Variants in TBC1D32 observed in about 807,000 individuals in gnomAD.
TBC1D32 encodes the protein TBC1 domain family member 32.
A neutral mutation model predicts 170.3 loss-of-function variants in TBC1D32; 151 were observed. The observed-to-expected ratio is 0.89, with a 90% CI of 0.78 to 1.01. TBC1D32 has a LOEUF of 1.01. TBC1D32 is among the 50% of genes least tolerant of loss of function. TBC1D32 has a pLI of 0.00. For missense variants in TBC1D32, 1,464 were observed against 1,457.1 expected, an observed-to-expected ratio of 1.00 and a Z score of -0.08; for synonymous variants, 498 against 488.0, an observed-to-expected ratio of 1.02 and a Z score of -0.27.
At chr6:121,137,599 C>CA in intron 24 of TBC1D32, among the ~76,000 whole-genome samples, 1 of 151,432 alleles carries the variant, frequency 6.6e-6, no homozygotes, top group Non-Finnish European at 1.5e-5. Context: ...GAAAATATTT[C>CA]AAAAACTCTA....
At chr6:121,101,006 G>C (rs56721703) in intron 30 of TBC1D32, among the ~76,000 whole-genome samples, 27,147 of 151,882 alleles carry the variant, frequency 0.18, 3,229 homozygotes, top group African/African-American at 0.31. Flanking sequence ...ATAAATTCCT[G>C]GACACATACA....
chr6:121,190,073 G>GACAAAC (rs1789748262), intron 22 of TBC1D32, among the ~76,000 whole-genome samples: 5 of 63,732 alleles, frequency 7.8e-5, no homozygotes, highest in African/African-American at 2.5e-4. Flanking sequence ...GCCCAATACA[G>GACAAAC]ACACACACAC....
chr6:121,321,708 T>C lies in TBC1D32; in HGVS notation c.242A>G (p.Asp81Gly), dbSNP rs1409608687. The change falls in exon 2 of 32, where the codon GAT (aspartate) becomes GGT (glycine). Residue 81 changes from aspartate to glycine, a missense_variant. By Grantham distance (94) the Asp-to-Gly change is moderately conservative. Coordinates refer to ENST00000398212, the MANE Select transcript of TBC1D32 (RefSeq NM_152730.6). ...GCCGCATTCTTCACCCTGATTCCGATCAGATGTGCATTTTTCCATTTCTTC... is the reference window on the plus strand; with the variant it reads ...GCCGCATTCTTCACCCTGATTCCGACCAGATGTGCATTTTTCCATTTCTTC... Reference protein sequence around the residue: ...IEEEMEKCTSDRNQGEECGYD... With the variant: ...IEEEMEKCTSGRNQGEECGYD... 3 of 1,613,996 alleles carry C rather than the reference T, an allele frequency of 1.9e-6. No individual in the cohort carries two copies. In the Admixed American group the frequency reaches 5.0e-5, roughly 27 times the overall value.
intron 20 of TBC1D32, among the ~76,000 whole-genome samples, chr6:121,223,975 T>C (rs988608013): frequency 2.4e-4 from 36 of 152,160 alleles, no homozygotes; most frequent in Non-Finnish European, 4.4e-5. Context: ...ACTCTTGGGC[T>C]CCCCAGCTCA....
intron 30 of TBC1D32, among the ~76,000 whole-genome samples, chr6:121,103,503 A>G (rs1478755692): frequency 1.4e-5 from 2 of 147,530 alleles, no homozygotes; most frequent in African/African-American, 2.5e-5. Flanking sequence ...CAAACACTGC[A>G]TGTTCTCACT....
At chr6:121,145,391 T>C (rs1332290151) in intron 24 of TBC1D32, among the ~76,000 whole-genome samples, 5 of 151,958 alleles carry the variant, frequency 3.3e-5, no homozygotes, top group African/African-American at 4.8e-5. Context: ...CTATATAATC[T>C]CGCTTATGTG....
intron 15 of TBC1D32, among the ~76,000 whole-genome samples, chr6:121,273,637 T>TA (rs1801811438): frequency 1.4e-5 from 2 of 142,640 alleles, no homozygotes; most frequent in East Asian, 3.2e-4. Context: ...AAAGTATAAT[T>TA]TAAAAAAAAA....
chr6:121,216,267 A>C (rs970265214), intron 21 of TBC1D32, among the ~76,000 whole-genome samples: 1 of 152,222 alleles, frequency 6.6e-6, no homozygotes, highest in Non-Finnish European at 1.5e-5. Context: ...TCCCTCAGAT[A>C]TCAGACTCCA....
At chr6:121,102,266 A>T (rs1005738969) in intron 30 of TBC1D32, among the ~76,000 whole-genome samples, 1 of 152,160 alleles carries the variant, frequency 6.6e-6, no homozygotes, top group South Asian at 2.1e-4. Flanking sequence ...ACCAGAAAAG[A>T]TCCCACATTG....
At chr6:121,097,255 T>C (rs780773972) in intron 30 of TBC1D32, among the ~76,000 whole-genome samples, 5 of 152,038 alleles carry the variant, frequency 3.3e-5, no homozygotes, top group East Asian at 1.9e-4. Context: ...TCAAAGTGAA[T>C]AGGCAACCTA....
At chr6:121,092,312 T>G (rs867325885) in intron 30 of TBC1D32, among the ~76,000 whole-genome samples, 4,009 of 144,266 alleles carry the variant, frequency 0.028, 190 homozygotes, top group African/African-American at 0.097. Context: ...TTTTTTTTTT[T>G]TTTTTTTTTT....
At chr6:121,261,207 G>A (rs1799721164) in intron 15 of TBC1D32, among the ~76,000 whole-genome samples, 1 of 152,196 alleles carries the variant, frequency 6.6e-6, no homozygotes, top group African/African-American at 2.4e-5. Context: ...CTTTCCTCCT[G>A]CTAGCTCTGA....
chr6:121,132,029 G>A (rs1781491482), intron 24 of TBC1D32, among the ~76,000 whole-genome samples: 3 of 151,970 alleles, frequency 2.0e-5, no homozygotes. Flanking sequence ...ATATGAATAT[G>A]GCTCATTACT....
chr6:121,312,112 A>G (rs188077185), intron 3 of TBC1D32, among the ~76,000 whole-genome samples: 2 of 152,268 alleles, frequency 1.3e-5, no homozygotes, highest in East Asian at 1.9e-4. Flanking sequence ...CAAACACCGC[A>G]TCTTCTCACT....
At chr6:121,204,637 G>A (rs1052464313) in intron 22 of TBC1D32, among the ~76,000 whole-genome samples, 38 of 151,450 alleles carry the variant, frequency 2.5e-4, no homozygotes, top group Non-Finnish European at 4.9e-4. Context: ...CAACTAGAAA[G>A]ATTTAAACTT....
intron 24 of TBC1D32, among the ~76,000 whole-genome samples, chr6:121,151,564 TTC>T (rs1284935242): frequency 6.6e-6 from 1 of 152,158 alleles, no homozygotes; most frequent in African/African-American, 2.4e-5. Context: ...CTCGTTAATT[TTC>T]TGTCTCGATC....
At chr6:121,327,094 T>C (rs1810558393) in intron 1 of TBC1D32, among the ~76,000 whole-genome samples, 1 of 152,036 alleles carries the variant, frequency 6.6e-6, no homozygotes, top group Non-Finnish European at 1.5e-5. Context: ...GTTGCAACGA[T>C]GGGAACAACA....
At chr6:121,103,357 C>T (rs1028375773) in intron 30 of TBC1D32, among the ~76,000 whole-genome samples, 18 of 151,528 alleles carry the variant, frequency 1.2e-4, no homozygotes, top group African/African-American at 4.8e-5. Flanking sequence ...ATGATAGACT[C>T]GATTAGGAAA....
rs202231241 is a variant in TBC1D32, at chr6:121,191,741, T to C, written c.2570+13334A>G. Among the ~76,000 whole-genome samples, 21 of 152,228 alleles carry C rather than the reference T, an allele frequency of 1.4e-4. No homozygotes were observed. The East Asian group carries it at 3.5e-3, about 25-fold the overall frequency. On this transcript the variant is annotated intron_variant, in intron 22 of 31. Coordinates refer to ENST00000398212, the MANE Select transcript of TBC1D32 (RefSeq NM_152730.6). ...TGGATTTAAGGATGCAAAGTACTGA[T>C]CCTGGTGTGTCTGTGAGGGTGTTGC... is the stretch of plus-strand genomic sequence containing the variant.
Sources: allele counts gnomAD v4.1 joint callset (sites outside exome capture counted in the v4.1 genomes callset), GRCh38; gene constraint gnomAD v4.1.1; transcripts MANE v1.5; gene names NCBI Gene and HGNC (gene_info 2026-07-23, HGNC 2026-07-21).